The following FCAR variants were observed in gnomAD, a reference collection of about 807,000 sequenced individuals.
FCAR encodes immunoglobulin alpha Fc receptor.
FCAR carries 21 observed loss-of-function variants against 27.1 expected under a neutral mutation model. The observed-to-expected ratio is 0.77, with a 90% CI of 0.55 to 1.11. FCAR has a LOEUF of 1.11. Among genes scored for constraint, FCAR ranks in the 50% most tolerant of loss-of-function variants. The probability of loss-of-function intolerance (pLI) is 0.00; values close to 1 mark genes in which losing one functional copy is unlikely to be tolerated. For synonymous variants in FCAR, 134 were observed against 135.8 expected, an observed-to-expected ratio of 0.99 and a Z score of 0.09; for missense variants, 404 against 358.4, an observed-to-expected ratio of 1.13 and a Z score of -1.03.
chr19:54,881,867 C>T (rs1295828593), intron 2 of FCAR, among the ~76,000 whole-genome samples: 1 of 151,264 alleles, frequency 6.6e-6, no homozygotes, highest in Non-Finnish European at 1.5e-5. Flanking sequence ...GGCGACAGAG[C>T]GAGACTCCGT....
In FCAR at chr19:54,889,650, C is replaced by T. The variant is rs1457334866; in HGVS notation, c.651C>T (p.Asp217=). The T allele has an allele frequency of 1.9e-6, 3 of 1,612,544 alleles. No individual in the cohort carries two copies. Among genetic ancestry groups the T allele is most frequent in the African/African-American group, 1.3e-5 (1 of 74,994 alleles). The stretch of plus-strand genomic sequence containing the variant: ...CATCTCCTTGAATTGTGTCTCCAGA[C>T]TCCATCCACCAAGATTACACGACGC... The part of the protein sequence containing the change: ...PSNALELVVT[D]SIHQDYTTQN... Residue 217 remains aspartate (D), a splice_region_variant and synonymous_variant, in exon 5 of 5, where the codon GAC becomes GAT. Transcript: ENST00000355524.
intron 2 of FCAR, among the ~76,000 whole-genome samples, chr19:54,881,186 A>G (rs587639319): frequency 7.9e-5 from 12 of 152,242 alleles, no homozygotes; most frequent in African/African-American, 2.4e-4. Flanking sequence ...ATGAGCCAAG[A>G]GTGAGGCGAC....
At chr19:54,877,576 C>T (rs73065472) in intron 2 of FCAR, among the ~76,000 whole-genome samples, 30,628 of 151,948 alleles carry the variant, frequency 0.2, 3,648 homozygotes, top group South Asian at 0.36. Flanking sequence ...AATGCTTTTT[C>T]GTGTCTCAAT....
chr19:54,888,483 C>G (rs2066884579), intron 4 of FCAR, 189 bp downstream of exon 4: 1 of 1,421,646 alleles, frequency 7.0e-7, no homozygotes, highest in Admixed American at 2.9e-5. Flanking sequence ...GTTCTCCAGA[C>G]AGGGTTCATT....
chr19:54,887,827 G>C (rs1444288212), intron 3 of FCAR, among the ~76,000 whole-genome samples, 180 bp from the exon 4 acceptor site: 2 of 152,048 alleles, frequency 1.3e-5, no homozygotes, highest in African/African-American at 4.8e-5. Context: ...TGAGGCAGGA[G>C]AATTGCTTGA....
intron 2 of FCAR, among the ~76,000 whole-genome samples, chr19:54,882,073 C>T (rs1319803881): frequency 6.6e-6 from 1 of 152,198 alleles, no homozygotes; most frequent in Non-Finnish European, 1.5e-5. Context: ...GAGCCACCAC[C>T]AGTGAGTGTG....
At chr19:54,874,994 C>A (rs1283517352) in intron 1 of FCAR, among the ~76,000 whole-genome samples, 1 of 152,034 alleles carries the variant, frequency 6.6e-6, no homozygotes, top group Non-Finnish European at 1.5e-5. Context: ...CATGGTGAAA[C>A]CCTGTCTCTA....
At chr19:54,877,159 G>A (rs191253004) in intron 2 of FCAR, among the ~76,000 whole-genome samples, 15 of 152,276 alleles carry the variant, frequency 9.9e-5, no homozygotes, top group East Asian at 9.7e-4. Flanking sequence ...TTTTTGGAAC[G>A]TTTCAGTAGG....
intron 2 of FCAR, among the ~76,000 whole-genome samples, chr19:54,878,474 G>A (rs1003877374): frequency 2.6e-5 from 4 of 152,082 alleles, no homozygotes; most frequent in East Asian, 3.8e-4. Context: ...CTCAGAACAC[G>A]CTTTATGAAT....
At chr19:54,881,982 G>C (rs1483640994) in intron 2 of FCAR, among the ~76,000 whole-genome samples, 1 of 152,214 alleles carries the variant, frequency 6.6e-6, no homozygotes, top group Non-Finnish European at 1.5e-5. Flanking sequence ...CCAGATCACG[G>C]GCAGCAGAGG....
chr19:54,874,306 C>T lies in FCAR; in HGVS notation c.17C>T (p.Thr6Ile), dbSNP rs766673949. 25 of 1,614,044 alleles carry T rather than the reference C, an allele frequency of 1.5e-5. No homozygotes were observed. Among genetic ancestry groups the T allele is most frequent in the Non-Finnish European group, 2.0e-5 (24 of 1,180,030 alleles). The part of the protein sequence containing the change: MDPKQ[T>I]TLLCLVLCLG... ...GTCAGCACGATGGACCCCAAACAGA[C>T]CACCCTCCTGTGTCTTGGTGAGTTT... The change falls in exon 1 of 5, where the codon ACC becomes ATC. Residue 6 changes from threonine (T) to isoleucine (I), a missense_variant. By Grantham distance (89) the Thr-to-Ile change is moderately conservative. Transcript: ENST00000355524.
At chr19:54,889,505 A>G (rs2066948479) in intron 4 of FCAR, 144 bp from the exon 5 acceptor site, 2 of 704,528 alleles carry the variant, frequency 2.8e-6, no homozygotes, top group Non-Finnish European at 5.1e-6. Flanking sequence ...GGTGCTGGCG[A>G]AGCATGAGCT....
chr19:54,878,394 T>A (rs2066218135), intron 2 of FCAR, among the ~76,000 whole-genome samples: 1 of 152,234 alleles, frequency 6.6e-6, no homozygotes, highest in Non-Finnish European at 1.5e-5. Flanking sequence ...CTCAATGATC[T>A]AATACTGTCG....
Position 54,885,299 on chromosome 19 carries a change from GAAAA to G in FCAR, c.136_139del (p.Lys46SerfsTer11). ...CTGTGATTCCCTTGGATGGATCTGT[GAAAA>G]TCCAGTGCCAGGCCATTCGTGAAGC... On this transcript the variant is annotated frameshift_variant, in exon 3 of 5. Transcript: ENST00000355524. LOFTEE classifies it high-confidence loss of function. 1 of 1,613,936 alleles carries G rather than the reference GAAAA, an allele frequency of 6.2e-7. No homozygotes were observed. The highest frequency in any genetic ancestry group is 1.1e-5 in the South Asian group (1 of 91,072).
intron 2 of FCAR, among the ~76,000 whole-genome samples, chr19:54,877,258 T>C (rs587608122): frequency 7.0e-4 from 106 of 152,330 alleles, no homozygotes; most frequent in African/African-American, 2.1e-3. Flanking sequence ...AGGATTTTTA[T>C]TACTGATTCA....
rs1394865303 is a variant in FCAR at position 54,885,252 on chromosome 19, T to C, written c.88T>C (p.Phe30Leu). The C allele has an allele frequency of 8.1e-6, 13 of 1,613,252 alleles. No individual in the cohort carries two copies. The highest frequency in any genetic ancestry group is 1.0e-5 in the Non-Finnish European group (12 of 1,179,442). Residue 30 changes from phenylalanine to leucine, a missense_variant, in exon 3 of 5, where the codon TTC becomes CTC. By Grantham distance (22) the Phe-to-Leu change is conservative. Transcript: ENST00000355524. The part of the protein sequence containing the change: ...QAQEGDFPMP[F>L]ISAKSSPVIP... The stretch of plus-strand genomic sequence containing the variant: ...TCTTCCAGGGGACTTTCCCATGCCT[T>C]TCATATCTGCCAAATCGAGTCCTGT...
chr19:54,875,096 G>A (rs1169067387), intron 1 of FCAR, among the ~76,000 whole-genome samples: 1 of 151,912 alleles, frequency 6.6e-6, no homozygotes, highest in Non-Finnish European at 1.5e-5. Context: ...GCATGAACCT[G>A]GGAGGCAGAG....
Position 54,889,883 on chromosome 19 carries a change from G to C in FCAR, c.*20G>C. On this transcript the variant is annotated 3_prime_UTR_variant, in exon 5 of 5. Transcript: ENST00000355524. ...AAGTAAACACCTGGAGGTGAAGGCAGAGAGGAGCCAGGACTGTGGAGTCCG... is the reference window on the plus strand; with the variant it reads ...AAGTAAACACCTGGAGGTGAAGGCACAGAGGAGCCAGGACTGTGGAGTCCG... 2 of 1,566,310 alleles carry C rather than the reference G, an allele frequency of 1.3e-6. No individual in the cohort carries two copies. Among genetic ancestry groups the C allele is most frequent in the Non-Finnish European group, 1.7e-6 (2 of 1,150,004 alleles).
intron 2 of FCAR, among the ~76,000 whole-genome samples, chr19:54,876,529 T>C (rs1466837917): frequency 6.6e-6 from 1 of 152,210 alleles, no homozygotes; most frequent in Non-Finnish European, 1.5e-5. Flanking sequence ...CGAGGTTTTT[T>C]AGCATAAAGG....
Sources: gnomAD v4.1 joint callset for allele counts (sites outside exome capture counted in the v4.1 genomes callset) on GRCh38, gnomAD v4.1.1 for gene constraint, MANE v1.5 for transcripts, NCBI Gene and HGNC (gene_info 2026-07-23, HGNC 2026-07-21) for gene names.